ATXN7: variants seen among roughly 807,000 people sequenced by gnomAD.
ATXN7 encodes ataxin-7.
Under a neutral mutation model 70.5 loss-of-function variants are expected in ATXN7, and 12 were observed. That is an observed-to-expected ratio of 0.17 (90% confidence interval 0.11 to 0.28). ATXN7 has a LOEUF of 0.28. ATXN7 is among the 10% of genes least tolerant of loss of function. The probability of loss-of-function intolerance (pLI) is 1.00; values close to 1 mark genes in which losing one functional copy is unlikely to be tolerated. For missense variants in ATXN7, 1,256 were observed against 1,131.7 expected, an observed-to-expected ratio of 1.11 and a Z score of -1.58; for synonymous variants, 498 against 448.7, an observed-to-expected ratio of 1.11 and a Z score of -1.39.
intron 5 of ATXN7, 45 bp downstream of exon 5, chr3:63,952,528 G>A: frequency 1.4e-6 from 2 of 1,403,268 alleles, no homozygotes; most frequent in South Asian, 1.3e-5. Flanking sequence ...AAGGTAAAAG[G>A]TAAAGCAAGA....
intron 11 of ATXN7, among the ~76,000 whole-genome samples, chr3:63,991,868 C>G (rs1456465002): frequency 1.3e-5 from 2 of 152,082 alleles, no homozygotes; most frequent in East Asian, 3.9e-4. Flanking sequence ...TTGTCAGAGC[C>G]TTAATGGGCA....
At chr3:63,947,442 G>A (rs1398997988) in intron 4 of ATXN7, among the ~76,000 whole-genome samples, 1 of 152,066 alleles carries the variant, frequency 6.6e-6, no homozygotes, top group African/African-American at 2.4e-5. Flanking sequence ...AACAAAATTA[G>A]CTGGGCGTGG....
chr3:63,997,575 G>C, intron 12 of ATXN7: 1 of 1,508,980 alleles, frequency 6.6e-7, no homozygotes, highest in African/African-American at 1.4e-5. Context: ...AGCTTCCTTT[G>C]CTCTAACTTC....
At chr3:63,984,534 C>T (rs543005187) in intron 8 of ATXN7, among the ~76,000 whole-genome samples, 3 of 152,306 alleles carry the variant, frequency 2.0e-5, no homozygotes, top group Admixed American at 2.0e-4. Flanking sequence ...TCTCCTTCTG[C>T]GCTCTTCCTG....
intron 12 of ATXN7, chr3:63,998,353 T>A: frequency 1.0e-6 from 1 of 985,304 alleles, no homozygotes; most frequent in Non-Finnish European, 1.2e-6. Flanking sequence ...GATATATGTG[T>A]GTGTGTATAT....
chr3:63,896,741 AC>A (rs1200655663), intron 1 of ATXN7, among the ~76,000 whole-genome samples: 2 of 152,204 alleles, frequency 1.3e-5, no homozygotes, highest in Non-Finnish European at 2.9e-5. Context: ...ATTTTTAGTA[AC>A]TGCAACTATC....
intron 4 of ATXN7, among the ~76,000 whole-genome samples, chr3:63,947,280 G>A (rs1232464948): frequency 6.6e-6 from 1 of 152,080 alleles, no homozygotes; most frequent in Non-Finnish European, 1.5e-5. Flanking sequence ...TGGTCATCAC[G>A]GTTCAATATG....
At chr3:63,890,188 G>A (rs528959143) in intron 1 of ATXN7, among the ~76,000 whole-genome samples, 1 of 152,092 alleles carries the variant, frequency 6.6e-6, no homozygotes, top group Non-Finnish European at 1.5e-5. Context: ...CAATTTTCTT[G>A]GTCAGATTTA....
chr3:63,863,581 G>A (rs1174164847), upstream of ATXN7: 6 of 1,197,288 alleles, frequency 5.0e-6, no homozygotes, highest in Non-Finnish European at 6.2e-6. Flanking sequence ...GCTCTGGCGA[G>A]AGGAGGAAGG....
chr3:63,900,455 T>G (rs1302767098), intron 2 of ATXN7: 2 of 152,246 alleles, frequency 1.3e-5, no homozygotes, highest in Non-Finnish European at 2.9e-5. Context: ...AACAGCCTCT[T>G]AAAATGTTCT....
At chr3:63,916,086 G>A (rs1704255027) in intron 4 of ATXN7, among the ~76,000 whole-genome samples, 1 of 152,200 alleles carries the variant, frequency 6.6e-6, no homozygotes, top group Non-Finnish European at 1.5e-5. Flanking sequence ...GGATGTGAGA[G>A]AAAGCTGCTT....
chr3:63,932,239 C>T (rs2074560314), intron 4 of ATXN7, among the ~76,000 whole-genome samples: 7 of 152,224 alleles, frequency 4.6e-5, no homozygotes, highest in Admixed American at 4.6e-4. Context: ...TTGCTTAGTG[C>T]ATTCACTGCT....
At chr3:63,917,552 C>A (rs1307431906) in intron 4 of ATXN7, among the ~76,000 whole-genome samples, 1 of 151,008 alleles carries the variant, frequency 6.6e-6, no homozygotes, top group East Asian at 1.9e-4. Flanking sequence ...AAAATGACAT[C>A]TTCTTTGGGA....
At chr3:63,877,805 C>T (rs1702790679) in intron 1 of ATXN7, among the ~76,000 whole-genome samples, 1 of 152,164 alleles carries the variant, frequency 6.6e-6, no homozygotes, top group Non-Finnish European at 1.5e-5. Flanking sequence ...CAAGTAACAG[C>T]AAGGTATTTA....
chr3:63,926,151 C>A (rs1704706401), intron 4 of ATXN7, among the ~76,000 whole-genome samples: 1 of 152,166 alleles, frequency 6.6e-6, no homozygotes, highest in Non-Finnish European at 1.5e-5. Flanking sequence ...TATTTGCTTG[C>A]CTTTGTTCGT....
intron 1 of ATXN7, among the ~76,000 whole-genome samples, chr3:63,875,175 G>A (rs1702712991): frequency 6.6e-6 from 1 of 151,980 alleles, no homozygotes; most frequent in African/African-American, 2.4e-5. Context: ...GGCCGGTCTT[G>A]AACTCCTGAG....
chr3:63,976,906 A>G (rs1031634012), intron 5 of ATXN7, among the ~76,000 whole-genome samples: 14 of 152,240 alleles, frequency 9.2e-5, no homozygotes, highest in African/African-American at 3.1e-4. Context: ...TGGTAAAAAA[A>G]TACATAAATA....
chr3:63,895,476 T>G (rs185597058), intron 1 of ATXN7, among the ~76,000 whole-genome samples: 2 of 152,252 alleles, frequency 1.3e-5, no homozygotes, highest in East Asian at 3.9e-4. Context: ...TTAAAATACG[T>G]TTTTTTACTA....
chr3:63,967,448 T>C (rs2075244660), intron 5 of ATXN7, among the ~76,000 whole-genome samples: 1 of 152,204 alleles, frequency 6.6e-6, no homozygotes, highest in Admixed American at 6.5e-5. Context: ...GGAAAAATGC[T>C]GCAGGTATTT....
Sources: allele counts gnomAD v4.1 joint callset (sites outside exome capture counted in the v4.1 genomes callset), GRCh38; gene constraint gnomAD v4.1.1; transcripts MANE v1.5; gene names NCBI Gene and HGNC (gene_info 2026-07-23, HGNC 2026-07-21).